Variants in SEL1L3 observed in about 807,000 individuals in gnomAD.
SEL1L3 encodes SEL1L family member 3.
SEL1L3 carries 76 observed loss-of-function variants against 142.8 expected under a neutral mutation model. The observed-to-expected ratio is 0.53, with a 90% CI of 0.44 to 0.64. The LOEUF (loss-of-function observed/expected upper bound fraction) is 0.64, where lower values mean the gene tolerates loss of function less well. Ranked by LOEUF, SEL1L3 falls within the 30% of genes least tolerant of loss-of-function variation. SEL1L3 has a pLI of 0.00. For synonymous variants in SEL1L3, 504 were observed against 519.6 expected, an observed-to-expected ratio of 0.97 and a Z score of 0.41; for missense variants, 1,262 against 1,381.7, an observed-to-expected ratio of 0.91 and a Z score of 1.37.
chr4:25,819,581 A>G (rs768392213), intron 8 of SEL1L3, among the ~76,000 whole-genome samples: 1 of 152,254 alleles, frequency 6.6e-6, no homozygotes, highest in Non-Finnish European at 1.5e-5. Flanking sequence ...GGTTGGAGCT[A>G]TAAGATGTTT....
At chr4:25,804,416 A>G (rs1234086777) in intron 10 of SEL1L3, 125 bp downstream of exon 10, 132 of 701,188 alleles carry the variant, frequency 1.9e-4, no homozygotes, top group Non-Finnish European at 1.2e-5. Flanking sequence ...ATTTATCTTG[A>G]GTGTAAAGAT....
chr4:25,809,219 T>C (rs936559418), intron 9 of SEL1L3, among the ~76,000 whole-genome samples: 3 of 151,720 alleles, frequency 2.0e-5, no homozygotes, highest in Non-Finnish European at 4.4e-5. Context: ...TCTTGGCTCA[T>C]TGCAACCTCC....
chr4:25,759,853 A>G (rs1343315718), intron 20 of SEL1L3: 1 of 152,234 alleles, frequency 6.6e-6, no homozygotes, highest in African/African-American at 2.4e-5. Flanking sequence ...GGTACTTACC[A>G]TTAGAACTTG....
intron 2 of SEL1L3, among the ~76,000 whole-genome samples, chr4:25,837,337 G>A (rs897889146): frequency 5.7e-5 from 8 of 141,536 alleles, no homozygotes; most frequent in Non-Finnish European, 1.1e-4. Flanking sequence ...AGTGTGCAGT[G>A]GAAACATTTG....
chr4:25,794,227 C>T (rs769495570), intron 11 of SEL1L3, among the ~76,000 whole-genome samples: 1 of 152,030 alleles, frequency 6.6e-6, no homozygotes, highest in Non-Finnish European at 1.5e-5. Flanking sequence ...ATCATCAGAG[C>T]AAACAACAAA....
intron 9 of SEL1L3, 135 bp from the exon 10 acceptor site, chr4:25,804,887 C>A: frequency 3.0e-6 from 2 of 664,662 alleles, no homozygotes. Context: ...AAATATACCA[C>A]CTTCCAGGGA....
rs58435041 is a variant in SEL1L3 at position 25,788,569 on chromosome 4, CGTGTGTGTGTGTGTGTGT to C, written c.2077-223_2077-206del. ...CCCTTAATGCAAGCCAGAAATGGTT[CGTGTGTGTGTGTGTGTGT>C]GTGTGTGTGTGTGTGTGTGTGTGTG... On this transcript the variant is annotated intron_variant, in intron 12 of 23. Transcript: ENST00000399878. The surrounding 1 kb of genome is among the most constrained non-coding windows in gnomAD (Gnocchi z 5.3). 3.6e-4 allele frequency among the ~76,000 whole-genome samples: 51 copies of C among 140,060 alleles called. 1 individual carries two copies. Among genetic ancestry groups the C allele is most frequent in the Admixed American group, 1.3e-3 (19 of 14,132 alleles). 91.9% of individuals were successfully genotyped at this position (140,060 alleles called of 152,430 possible). A position where few individuals can be genotyped will look rare whatever the true frequency, so the allele number is the denominator to read the frequency against.
In SEL1L3 at chr4:25,838,882, G is replaced by C. The variant is rs989042317; in HGVS notation, c.734-3559C>G. 8.5e-5 allele frequency among the ~76,000 whole-genome samples: 13 copies of C among 152,304 alleles called. 1 individual carries two copies. Among genetic ancestry groups the C allele is most frequent in the Admixed American group, 6.5e-4 (10 of 15,304 alleles). ...GAACCCTGACACAGATCCCTTGCTT[G>C]GGAAAAGGTAACACTTCCACGTAAC... On this transcript the variant is annotated intron_variant, in intron 2 of 23. Coordinates refer to ENST00000399878, the MANE Select transcript of SEL1L3 (RefSeq NM_015187.5).
At chr4:25,765,272 G>A in intron 20 of SEL1L3, 54 bp downstream of exon 20, 1 of 1,222,516 alleles carries the variant, frequency 8.2e-7, no homozygotes, top group Admixed American at 1.7e-5. Flanking sequence ...GGGATTACAG[G>A]CATGAGCCAC....
At chr4:25,810,181 C>G (rs1713921984) in intron 9 of SEL1L3, among the ~76,000 whole-genome samples, 2 of 152,224 alleles carry the variant, frequency 1.3e-5, no homozygotes, top group Non-Finnish European at 2.9e-5. Context: ...CTCCCTTGGT[C>G]AGAGGTGCCC....
At chr4:25,849,129 A>G (rs1163220613) in intron 1 of SEL1L3, among the ~76,000 whole-genome samples, 1 of 152,096 alleles carries the variant, frequency 6.6e-6, no homozygotes, top group African/African-American at 2.4e-5. Context: ...ACAGAGTGAG[A>G]CTCCATCTCA....
the SEL1L3 span, among the ~76,000 whole-genome samples, chr4:25,740,724 T>G: frequency 2.6e-5 from 4 of 152,204 alleles, no homozygotes; most frequent in Admixed American, 1.3e-4. Context: ...CTGCCACCTG[T>G]GCAGTGAGAC....
At chr4:25,729,333 G>T in the SEL1L3 span, among the ~76,000 whole-genome samples, 3 of 151,944 alleles carry the variant, frequency 2.0e-5, no homozygotes, top group Non-Finnish European at 4.4e-5. Flanking sequence ...AAGTGAACAT[G>T]GAATGTATAT....
At chr4:25,856,605 A>AC (rs903724467) in intron 1 of SEL1L3, among the ~76,000 whole-genome samples, 13 of 151,874 alleles carry the variant, frequency 8.6e-5, no homozygotes, top group African/African-American at 2.9e-4. Context: ...AAAAAAAAAA[A>AC]AAAAAAAACA....
chr4:25,862,889 C>G lies in SEL1L3; in HGVS notation c.-53G>C, dbSNP rs1275465449. The G allele has an allele frequency of 1.9e-6, 2 of 1,042,698 alleles. No individual in the cohort carries two copies. The highest frequency in any genetic ancestry group is 1.7e-5 in the African/African-American group (1 of 58,100). 64.6% of individuals were successfully genotyped at this position (1,042,698 alleles called of 1,614,324 possible). A position where few individuals can be genotyped will look rare whatever the true frequency, so the allele number is the denominator to read the frequency against. On this transcript the variant is annotated 5_prime_UTR_variant, in exon 1 of 24. Coordinates refer to ENST00000399878, the MANE Select transcript of SEL1L3 (RefSeq NM_015187.5). ...ACAGGTCACCTGGTGCAGGGACCGG[C>G]CCCCGCCCGAGGCGCCACCTTCCCG...
chr4:25,825,635 A>T (rs1715039232), intron 6 of SEL1L3, among the ~76,000 whole-genome samples: 1 of 147,920 alleles, frequency 6.8e-6, no homozygotes, highest in African/African-American at 2.5e-5. Context: ...TCATCTTACA[A>T]GTCACTTCTT....
At chr4:25,738,087 C>T in the SEL1L3 span, among the ~76,000 whole-genome samples, 18 of 152,264 alleles carry the variant, frequency 1.2e-4, no homozygotes, top group African/African-American at 4.1e-4. Context: ...TGGAGTTTCA[C>T]CACGTTGGCC....
chr4:25,751,779 T>A (rs1315155640), intron 23 of SEL1L3, among the ~76,000 whole-genome samples: 1 of 151,822 alleles, frequency 6.6e-6, no homozygotes, highest in Non-Finnish European at 1.5e-5. Context: ...TGGTATTTTT[T>A]ATTGATCAGT....
At chr4:25,720,679 C>T in the SEL1L3 span, 2 of 152,222 alleles carry the variant, frequency 1.3e-5, no homozygotes, top group Middle Eastern at 3.4e-3. Context: ...ATGTGAAATC[C>T]GCGAAAGCCT....
Sources: gnomAD v4.1 joint callset for allele counts (sites outside exome capture counted in the v4.1 genomes callset) on GRCh38, gnomAD v4.1.1 for gene constraint, Gnocchi (gnomAD v3.1) non-coding constraint, MANE v1.5 for transcripts, NCBI Gene and HGNC (gene_info 2026-07-23, HGNC 2026-07-21) for gene names.